The following VRK2 variants were observed in gnomAD, a reference collection of about 807,000 sequenced individuals.
VRK2 encodes VRK serine/threonine kinase 2, also known as serine/threonine-protein kinase VRK2.
VRK2 carries 60 observed loss-of-function variants against 57.6 expected under a neutral mutation model. That is an observed-to-expected ratio of 1.04 (90% CI 0.85 to 1.29). The LOEUF (loss-of-function observed/expected upper bound fraction) is 1.29, where lower values mean the gene tolerates loss of function less well. Ranked by LOEUF, VRK2 falls within the 50% of genes most tolerant of loss-of-function variation. VRK2 has a pLI of 0.00. For missense variants in VRK2, 705 were observed against 588.1 expected, an observed-to-expected ratio of 1.20 and a Z score of -2.06; for synonymous variants, 231 against 199.2, an observed-to-expected ratio of 1.16 and a Z score of -1.35.
chr2:58,024,112 C>T (rs1237585792), intron 1 of VRK2, among the ~76,000 whole-genome samples: 1 of 151,964 alleles, frequency 6.6e-6, no homozygotes, highest in Non-Finnish European at 1.5e-5. Flanking sequence ...CAGCCTCCCT[C>T]CCAAGTAGCT....
chr2:57,922,422 T>TAACC lies in VRK2; in HGVS notation c.-439+14586_-439+14587insCAAC, dbSNP rs370526307. On this transcript the variant is annotated intron_variant, in intron 1 of 15. Transcript: ENST00000417641. Reference sequence around the variant, plus strand: ...TGTGAAATGATTACCACAATCACGCTAACATAACCATCACCTCACATAGTT... The same window carrying TAACC: ...TGTGAAATGATTACCACAATCACGCTAACCAACATAACCATCACCTCACATAGTT... Among the ~76,000 whole-genome samples, 1,045 of 150,214 alleles carry TAACC rather than the reference T, an allele frequency of 7.0e-3. 17 individuals carry two copies. Among genetic ancestry groups the TAACC allele is most frequent in the African/African-American group, 0.023 (949 of 40,934 alleles).
chr2:58,059,734 T>C (rs2103879914), intron 2 of VRK2, among the ~76,000 whole-genome samples: 1 of 151,916 alleles, frequency 6.6e-6, no homozygotes. Flanking sequence ...AGTTAGAACA[T>C]TTCATGTAGT....
chr2:58,034,316 C>T (rs1433982326), intron 3 of VRK2, among the ~76,000 whole-genome samples: 1 of 151,942 alleles, frequency 6.6e-6, no homozygotes, highest in East Asian at 1.9e-4. Flanking sequence ...ACCTCAGGAC[C>T]TTTGCATATG....
chr2:57,930,982 T>C (rs1241313162), intron 1 of VRK2, among the ~76,000 whole-genome samples: 2 of 152,114 alleles, frequency 1.3e-5, no homozygotes, highest in Admixed American at 1.3e-4. Flanking sequence ...GTATTTTTAT[T>C]ATATATTCAT....
intron 12 of VRK2, among the ~76,000 whole-genome samples, chr2:58,151,745 T>G (rs995422171): frequency 4.6e-5 from 5 of 108,768 alleles, no homozygotes; most frequent in East Asian, 5.2e-4. Flanking sequence ...TTTTTTTTTT[T>G]TTTTTTTTTT....
At chr2:58,142,481 A>G (rs1681492865) in intron 11 of VRK2, among the ~76,000 whole-genome samples, 1 of 151,818 alleles carries the variant, frequency 6.6e-6, no homozygotes, top group Non-Finnish European at 1.5e-5. Flanking sequence ...CATGAAAAAC[A>G]AATCTTTTGG....
intron 7 of VRK2, among the ~76,000 whole-genome samples, chr2:58,107,330 A>G (rs970790498): frequency 1.3e-5 from 2 of 152,090 alleles, no homozygotes; most frequent in South Asian, 2.1e-4. Flanking sequence ...GCTAACTACA[A>G]TGCTGTTCAT....
chr2:58,136,789 TATATCATATATATGTGTATATATATC>T (rs1182756575), intron 10 of VRK2, among the ~76,000 whole-genome samples: 1 of 146,384 alleles, frequency 6.8e-6, no homozygotes, highest in Non-Finnish European at 1.5e-5. Context: ...TATGTGTATA[TATATCATATATATGTGTATATATATC>T]ATATATGTGT....
At chr2:58,149,996 C>CTTTT (rs55783668) in intron 12 of VRK2, among the ~76,000 whole-genome samples, 13 of 108,304 alleles carry the variant, frequency 1.2e-4, no homozygotes, top group Non-Finnish European at 1.9e-4. Context: ...TTTTTCTTTT[C>CTTTT]TTTTTTTTTT....
At chr2:58,114,569 G>A (rs575137945) in intron 7 of VRK2, among the ~76,000 whole-genome samples, 2 of 151,956 alleles carry the variant, frequency 1.3e-5, no homozygotes, top group Non-Finnish European at 2.9e-5. Context: ...AAGCGAAAGT[G>A]GTAAAAGTAT....
At chr2:58,059,726 T>G (rs1677053106) in intron 2 of VRK2, among the ~76,000 whole-genome samples, 1 of 151,774 alleles carries the variant, frequency 6.6e-6, no homozygotes, top group African/African-American at 2.4e-5. Flanking sequence ...CATGAAAAAG[T>G]TAGAACATTT....
At chr2:58,157,247 G>A (rs530709564) in intron 12 of VRK2, among the ~76,000 whole-genome samples, 1 of 152,278 alleles carries the variant, frequency 6.6e-6, no homozygotes, top group African/African-American at 2.4e-5. Context: ...AGTGGAAGTA[G>A]TGTTGCTATT....
intron 1 of VRK2, among the ~76,000 whole-genome samples, chr2:57,977,545 C>T (rs979719747): frequency 6.9e-6 from 1 of 144,934 alleles, no homozygotes; most frequent in African/African-American, 2.9e-5. Context: ...TACAGAAATG[C>T]TACCGATTTT....
chr2:57,997,270 A>T (rs1276221995), intron 1 of VRK2, among the ~76,000 whole-genome samples: 1 of 152,094 alleles, frequency 6.6e-6, no homozygotes, highest in East Asian at 1.9e-4. Context: ...ATAATTAGCC[A>T]ATAGACAAGA....
chr2:57,987,909 C>T (rs953193002), intron 1 of VRK2, among the ~76,000 whole-genome samples: 1 of 152,122 alleles, frequency 6.6e-6, no homozygotes, highest in Non-Finnish European at 1.5e-5. Context: ...AAAGCTACTA[C>T]ATATACTTAA....
intron 1 of VRK2, among the ~76,000 whole-genome samples, chr2:58,007,633 A>C (rs1258164930): frequency 2.0e-5 from 3 of 152,116 alleles, no homozygotes; most frequent in Non-Finnish European, 2.9e-5. Flanking sequence ...GTGTTAATCA[A>C]CTGTTTATGT....
intron 2 of VRK2, among the ~76,000 whole-genome samples, chr2:58,049,541 C>CCATG (rs1228494692): frequency 6.6e-6 from 1 of 152,052 alleles, no homozygotes. Flanking sequence ...AGGTAAGGAA[C>CCATG]CATGGGCTGG....
intron 1 of VRK2, among the ~76,000 whole-genome samples, chr2:57,986,215 T>A (rs188649045): frequency 2.0e-5 from 3 of 151,890 alleles, no homozygotes; most frequent in Non-Finnish European, 4.4e-5. Context: ...CTTCTATATT[T>A]CTTTAAAAAA....
At chr2:58,144,471 C>T (rs772674926) in intron 11 of VRK2, among the ~76,000 whole-genome samples, 1 of 151,942 alleles carries the variant, frequency 6.6e-6, no homozygotes, top group Non-Finnish European at 1.5e-5. Flanking sequence ...GCAATGTATA[C>T]ATGTATCAAA....
Sources: allele counts gnomAD v4.1 joint callset (sites outside exome capture counted in the v4.1 genomes callset), GRCh38; gene constraint gnomAD v4.1.1; transcripts MANE v1.5; gene names NCBI Gene and HGNC (gene_info 2026-07-23, HGNC 2026-07-21).